The following ODAD1 variants were observed in gnomAD, a reference collection of about 807,000 sequenced individuals.
ODAD1 encodes outer dynein arm docking complex subunit 1.
A neutral mutation model predicts 67.2 loss-of-function variants in ODAD1; 49 were observed. The ratio of observed to expected loss-of-function variants is 0.73; its 90% CI spans 0.58 to 0.92. The LOEUF is 0.92. Among genes scored for constraint, ODAD1 ranks in the 40% least tolerant of loss-of-function variants. The pLI is 0.00. For synonymous variants in ODAD1, 345 were observed against 393.7 expected (o/e 0.88, Z 1.46); for missense variants, 897 against 953.7 (o/e 0.94, Z 0.78).
intron 7 of ODAD1, among the ~76,000 whole-genome samples, chr19:48,310,934 C>T (rs1252893991): frequency 1.3e-5 from 2 of 151,984 alleles, no homozygotes; most frequent in South Asian, 2.1e-4. Context: ...AAAAATCGGC[C>T]GGGTGTGGTG....
chr19:48,297,976 C>T (rs376140896), intron 14 of ODAD1, 24 bp downstream of exon 14: 44 of 1,581,462 alleles, frequency 2.8e-5, no homozygotes, highest in Middle Eastern at 1.8e-4. Context: ...GTCCCCTCTG[C>T]GTCCCTCCTG....
In ODAD1 at chr19:48,303,770, C is replaced by T. The variant is rs781018556; in HGVS notation, c.868G>A (p.Glu290Lys). The change falls in exon 10 of 16, where the codon GAG (glutamate) becomes AAG (lysine). Residue 290 changes from glutamate to lysine, a missense_variant. Physicochemically the swap from Glu to Lys is moderately conservative, Grantham distance 56. Coordinates refer to ENST00000674294, the MANE Select transcript of ODAD1 (RefSeq NM_001364171.2). The part of the protein sequence containing the change: ...KREKQAGEVA[E>K]GVWKTSQERL... ...TCCTGGGAGGTCTTCCAGACGCCCT[C>T]GGCCACCTCCCCGGCTAGGGGAAGA... 12 of 1,610,586 alleles carry T rather than the reference C, an allele frequency of 7.5e-6. No individual in the cohort carries two copies. Among genetic ancestry groups the T allele is most frequent in the South Asian group, 6.6e-5 (6 of 90,658 alleles).
rs368560284 is a variant in ODAD1, at chr19:48,297,258, C to A, written c.1842G>T (p.Thr614=). The A allele has an allele frequency of 1.9e-6, 3 of 1,613,900 alleles. No homozygotes were observed. The highest frequency in any genetic ancestry group is 1.3e-5 in the African/African-American group (1 of 74,900). Residue 614 remains threonine, a synonymous_variant, in exon 16 of 16, where the codon ACG becomes ACT. Coordinates refer to ENST00000674294, the MANE Select transcript of ODAD1 (RefSeq NM_001364171.2). ...SSTGHLPSHI[T]HGDPNTGHVT... The stretch of plus-strand genomic sequence containing the variant: ...CGTGGCCAGTGTTGGGGTCACCGTG[C>A]GTGATGTGGCTGGGCAAATGCCCAG...
intron 12 of ODAD1, among the ~76,000 whole-genome samples, chr19:48,298,759 G>A (rs1250133227): frequency 2.0e-5 from 3 of 152,304 alleles, no homozygotes; most frequent in African/African-American, 4.8e-5. Flanking sequence ...GACTGAGTTA[G>A]GGCCTTCTCT....
chr19:48,313,870 G>A (rs1446016333), intron 5 of ODAD1, among the ~76,000 whole-genome samples: 1 of 151,726 alleles, frequency 6.6e-6, no homozygotes, highest in Non-Finnish European at 1.5e-5. Flanking sequence ...GTGACAGAGG[G>A]AGATCCTGTC....
chr19:48,300,093 G>A (rs2147311782), intron 12 of ODAD1, among the ~76,000 whole-genome samples: 1 of 151,644 alleles, frequency 6.6e-6, no homozygotes, highest in Non-Finnish European at 1.5e-5. Flanking sequence ...GATCACCTGA[G>A]GTCAGGAGTT....
chr19:48,315,663 G>A (rs1968878795), intron 5 of ODAD1, among the ~76,000 whole-genome samples: 1 of 152,150 alleles, frequency 6.6e-6, no homozygotes, highest in Admixed American at 6.6e-5. Flanking sequence ...TCTTCCTGCA[G>A]TCGAGTCTCC....
At chr19:48,311,932 C>T (rs1968774069) in intron 6 of ODAD1, 62 bp downstream of exon 6, 1 of 1,487,296 alleles carries the variant, frequency 6.7e-7, no homozygotes, top group Non-Finnish European at 9.1e-7. Context: ...ATCCAATGAC[C>T]ATGCCCAGTT....
chr19:48,296,569 T>G lies in ODAD1; in HGVS notation c.*407A>C. ...TCAGCACTGGGGGGCTCTTGGGGAGTAAGGAGCTACAGAGACAGGGACACA... is the reference window on the plus strand; with the variant it reads ...TCAGCACTGGGGGGCTCTTGGGGAGGAAGGAGCTACAGAGACAGGGACACA... On this transcript the variant is annotated 3_prime_UTR_variant, in exon 16 of 16. Coordinates refer to ENST00000674294, the MANE Select transcript of ODAD1 (RefSeq NM_001364171.2). 5.5e-6 allele frequency: 1 copy of G among 183,012 alleles called. No individual in the cohort carries two copies. Among genetic ancestry groups the G allele is most frequent in the Admixed American group, 6.1e-5 (1 of 16,458 alleles). The allele number at this position is 183,012 out of a possible 1,614,324, so 11.3% of individuals were successfully genotyped here. A position where few individuals can be genotyped will look rare whatever the true frequency, so the allele number is the denominator to read the frequency against.
At chr19:48,305,554 G>A (rs1335500884) in intron 8 of ODAD1, among the ~76,000 whole-genome samples, 1 of 151,884 alleles carries the variant, frequency 6.6e-6, no homozygotes, top group Non-Finnish European at 1.5e-5. Context: ...ACAGACACCC[G>A]CCACCATGCC....
rs1355855372 is a variant in ODAD1, at chr19:48,296,815, C to T, written c.*161G>A. 5.6e-6 allele frequency: 8 copies of T among 1,427,166 alleles called. No individual in the cohort carries two copies. Among genetic ancestry groups the T allele is most frequent in the Middle Eastern group, 2.6e-4 (1 of 3,878 alleles). The allele number at this position is 1,427,166 out of a possible 1,614,324, so 88.4% of individuals were successfully genotyped here. A position where few individuals can be genotyped will look rare whatever the true frequency, so the allele number is the denominator to read the frequency against. On this transcript the variant is annotated 3_prime_UTR_variant, in exon 16 of 16. Coordinates refer to ENST00000674294, the MANE Select transcript of ODAD1 (RefSeq NM_001364171.2). ...AAGGAACCGGGAGACACAGGTGAGG[C>T]GGTGATGAAGGGCAGATGAAAACAG...
chr19:48,319,155 G>A (rs997975882), intron 3 of ODAD1, among the ~76,000 whole-genome samples: 1 of 151,942 alleles, frequency 6.6e-6, no homozygotes, highest in African/African-American at 2.4e-5. Context: ...CCCACCATCA[G>A]CAGCCCTCAG....
chr19:48,309,365 C>T (rs1311335099), intron 7 of ODAD1, among the ~76,000 whole-genome samples: 1 of 152,162 alleles, frequency 6.6e-6, no homozygotes, highest in Non-Finnish European at 1.5e-5. Flanking sequence ...CCCATGGCCA[C>T]CCATGGAGCT....
At chr19:48,311,267 TC>T (rs1420391052) in intron 7 of ODAD1, among the ~76,000 whole-genome samples, 1 of 152,068 alleles carries the variant, frequency 6.6e-6, no homozygotes, top group Admixed American at 6.6e-5. Context: ...TCTTCAAAGA[TC>T]CCCGTGGAAT....
intron 7 of ODAD1, among the ~76,000 whole-genome samples, chr19:48,307,151 C>T (rs1475722270): frequency 6.7e-6 from 1 of 149,878 alleles, no homozygotes; most frequent in Admixed American, 6.6e-5. Context: ...GCCATTGCAC[C>T]CTAGCCTGGG....
chr19:48,303,703 G>T lies in ODAD1; in HGVS notation c.935C>A (p.Ser312Tyr). The T allele has an allele frequency of 1.9e-6, 3 of 1,614,128 alleles. No individual in the cohort carries two copies. Among genetic ancestry groups the T allele is most frequent in the Non-Finnish European group, 2.5e-6 (3 of 1,179,982 alleles). ...AGGGTCACTCTCCCCCATCAGCTGGGACAGTTTATTCAGGGCGTCCTCGTA... is the reference window on the plus strand; with the variant it reads ...AGGGTCACTCTCCCCCATCAGCTGGTACAGTTTATTCAGGGCGTCCTCGTA... ...LCYEDALNKLSQLMGESDPDL... is the reference protein window; with the variant it reads ...LCYEDALNKLYQLMGESDPDL... The change falls in exon 10 of 16, where the codon TCC (serine) becomes TAC (tyrosine). Residue 312 changes from serine to tyrosine, a missense_variant. By Grantham distance (144) the Ser-to-Tyr change is moderately radical. Transcript: ENST00000674294.
intron 7 of ODAD1, among the ~76,000 whole-genome samples, chr19:48,306,729 T>C (rs984034624): frequency 6.6e-6 from 1 of 152,046 alleles, no homozygotes; most frequent in Non-Finnish European, 1.5e-5. Context: ...TGAATGCAAA[T>C]GGAAGCAAGT....
intron 5 of ODAD1, 113 bp downstream of exon 5, chr19:48,318,274 G>A: frequency 3.3e-6 from 3 of 899,260 alleles, no homozygotes; most frequent in Non-Finnish European, 5.1e-6. Flanking sequence ...TTACAGGCAT[G>A]AGCCACTGTG....
At chr19:48,316,981 T>C (rs1968915083) in intron 5 of ODAD1, among the ~76,000 whole-genome samples, 1 of 152,100 alleles carries the variant, frequency 6.6e-6, no homozygotes, top group African/African-American at 2.4e-5. Flanking sequence ...CCAGCCTGGG[T>C]GACAGAGCGA....
Sources: allele counts gnomAD v4.1 joint callset (sites outside exome capture counted in the v4.1 genomes callset), GRCh38; gene constraint gnomAD v4.1.1; transcripts MANE v1.5; gene names NCBI Gene and HGNC (gene_info 2026-07-23, HGNC 2026-07-21).